Variants in PCDHA7 observed in about 807,000 individuals in gnomAD.
PCDHA7 encodes the protein protocadherin alpha-7.
PCDHA7 carries 37 observed loss-of-function variants against 57.2 expected under a neutral mutation model. That is an observed-to-expected ratio of 0.65 (90% CI 0.50 to 0.85). The LOEUF (loss-of-function observed/expected upper bound fraction) is 0.85. PCDHA7 is among the 40% of genes least tolerant of loss of function. The pLI is 0.00. For missense variants in PCDHA7, 1,188 were observed against 1,241.8 expected, an observed-to-expected ratio of 0.96 and a Z score of 0.65; for synonymous variants, 553 against 558.8, an observed-to-expected ratio of 0.99 and a Z score of 0.15.
chr5:140,881,398 A>G, intron 1 of PCDHA7: 1 of 975,546 alleles, frequency 1.0e-6, no homozygotes, highest in Non-Finnish European at 1.2e-6. Context: ...GTTAAATTCT[A>G]TTAAATCAAT....
At chr5:140,873,210 A>G (rs1372631390) in intron 1 of PCDHA7, among the ~76,000 whole-genome samples, 2 of 152,208 alleles carry the variant, frequency 1.3e-5, no homozygotes, top group African/African-American at 4.8e-5. Flanking sequence ...TTCTTTAAGT[A>G]TTAAAGAGAA....
intron 1 of PCDHA7, among the ~76,000 whole-genome samples, chr5:140,913,266 T>C (rs1458769816): frequency 1.3e-5 from 2 of 152,176 alleles, no homozygotes; most frequent in Non-Finnish European, 2.9e-5. Flanking sequence ...TCTAATTACT[T>C]GTTATTGGTC....
intron 1 of PCDHA7, chr5:140,883,601 G>T: frequency 1.2e-6 from 2 of 1,614,022 alleles, no homozygotes; most frequent in Non-Finnish European, 1.7e-6. Flanking sequence ...GTCGGTGGGG[G>T]TGGCCGACGT....
intron 1 of PCDHA7, among the ~76,000 whole-genome samples, chr5:140,933,279 C>T (rs992723234): frequency 6.6e-6 from 1 of 151,840 alleles, no homozygotes; most frequent in African/African-American, 2.4e-5. Flanking sequence ...TCATTTGGAA[C>T]TTGTTTTGGA....
intron 1 of PCDHA7, chr5:140,928,209 T>C: frequency 6.2e-7 from 1 of 1,614,222 alleles, no homozygotes; most frequent in South Asian, 1.1e-5. Flanking sequence ...CTGATGTGAA[T>C]GACAATACAC....
chr5:140,952,010 C>A (rs1188540877), intron 1 of PCDHA7, among the ~76,000 whole-genome samples: 2 of 152,128 alleles, frequency 1.3e-5, no homozygotes, highest in Non-Finnish European at 2.9e-5. Flanking sequence ...GAATTATAGG[C>A]CCCATGCAAG....
chr5:140,854,176 AG>A (rs2150310267), intron 1 of PCDHA7: 7 of 663,702 alleles, frequency 1.1e-5, no homozygotes, highest in East Asian at 1.3e-4. Flanking sequence ...AAAAAAAAAA[AG>A]AGTAGTTTAA....
intron 1 of PCDHA7, chr5:140,926,761 T>G: frequency 7.6e-7 from 1 of 1,323,628 alleles, no homozygotes; most frequent in East Asian, 2.8e-5. Context: ...TCGCTGAGTA[T>G]CCAGCCCGCA....
At chr5:140,921,101 C>A (rs1331761775) in intron 1 of PCDHA7, among the ~76,000 whole-genome samples, 1 of 152,002 alleles carries the variant, frequency 6.6e-6, no homozygotes, top group Non-Finnish European at 1.5e-5. Context: ...CTGCCTCAGT[C>A]TCCTAAGTAG....
chr5:140,993,853 A>G (rs1423193144), intron 3 of PCDHA7, among the ~76,000 whole-genome samples: 5 of 152,198 alleles, frequency 3.3e-5, no homozygotes, highest in African/African-American at 7.2e-5. Context: ...GTAGTAGGCT[A>G]TGCCATCTAG....
At chr5:140,850,689 T>A in intron 1 of PCDHA7, 2 of 1,594,932 alleles carry the variant, frequency 1.3e-6, no homozygotes, top group Non-Finnish European at 1.7e-6. Context: ...CGAGGGCGAG[T>A]GCGCGCCTGG....
intron 1 of PCDHA7, chr5:140,927,490 C>G: frequency 1.2e-6 from 2 of 1,614,132 alleles, no homozygotes; most frequent in Non-Finnish European, 8.5e-7. Flanking sequence ...CGCCACCCAC[C>G]TGCTGGTGCT....
At chr5:140,844,055 G>A (rs1371474280) in intron 1 of PCDHA7, among the ~76,000 whole-genome samples, 1 of 149,532 alleles carries the variant, frequency 6.7e-6, no homozygotes, top group Non-Finnish European at 1.5e-5. Flanking sequence ...TTCCCCCAAA[G>A]CGTTTATTCT....
At chr5:140,839,728 G>T (rs1776382427) in intron 1 of PCDHA7, among the ~76,000 whole-genome samples, 1 of 151,992 alleles carries the variant, frequency 6.6e-6, no homozygotes, top group Non-Finnish European at 1.5e-5. Flanking sequence ...TCATTTCACA[G>T]AAAATACCCT....
intron 1 of PCDHA7, among the ~76,000 whole-genome samples, chr5:140,978,596 C>T (rs2096811689): frequency 6.6e-6 from 1 of 152,204 alleles, no homozygotes; most frequent in African/African-American, 2.4e-5. Context: ...CTTAATGGGG[C>T]ACTTGAGGGC....
At chr5:140,966,198 T>C in intron 1 of PCDHA7, 1 of 214,428 alleles carries the variant, frequency 4.7e-6, no homozygotes, top group Non-Finnish European at 9.1e-6. Context: ...TTCTAGGGGC[T>C]TGACTGCTTT....
intron 1 of PCDHA7, chr5:140,967,224 A>G (rs2096116008): frequency 6.2e-7 from 1 of 1,613,708 alleles, no homozygotes; most frequent in Non-Finnish European, 8.5e-7. Flanking sequence ...CGGCCCAACT[A>G]CCAGCTTCAG....
Position 140,927,144 on chromosome 5 carries a change from A to T in PCDHA7, c.2356-51805A>T, listed in dbSNP as rs116743674. 1.1e-5 allele frequency: 18 copies of T among 1,614,102 alleles called. No individual in the cohort carries two copies. The South Asian group carries it at 1.9e-4, about 17-fold the overall frequency. On this transcript the variant is annotated intron_variant, in intron 1 of 3. Transcript: ENST00000525929. Reference sequence around the variant, plus strand: ...TGGTCAGAGAGCCGGCGGACCGCGAACAGCTGTGCAGGGCCAAAGCTGCCT... The same window carrying T: ...TGGTCAGAGAGCCGGCGGACCGCGATCAGCTGTGCAGGGCCAAAGCTGCCT...
At chr5:140,917,324 C>CGGGGGGGGG (rs1299895515) in intron 1 of PCDHA7, among the ~76,000 whole-genome samples, 1 of 76,048 alleles carries the variant, frequency 1.3e-5, no homozygotes, top group Non-Finnish European at 2.9e-5. Context: ...GTTCATGTGG[C>CGGGGGGGGG]GGGGGAGGGG....
Sources: gnomAD v4.1 joint callset for allele counts (sites outside exome capture counted in the v4.1 genomes callset) on GRCh38, gnomAD v4.1.1 for gene constraint, MANE v1.5 for transcripts, NCBI Gene and HGNC (gene_info 2026-07-23, HGNC 2026-07-21) for gene names.